Variants in SMG7 observed in about 807,000 individuals in gnomAD.
SMG7 encodes SMG7 nonsense mediated mRNA decay factor, also known as nonsense-mediated mRNA decay factor SMG7.
A neutral mutation model predicts 148.2 loss-of-function variants in SMG7; 34 were observed. That is an observed-to-expected ratio of 0.23 (90% CI 0.17 to 0.31). The LOEUF (loss-of-function observed/expected upper bound fraction) is 0.31, where lower values mean the gene tolerates loss of function less well. Ranked by LOEUF, SMG7 falls within the 10% of genes least tolerant of loss-of-function variation. SMG7 has a pLI of 1.00. For missense variants in SMG7, 1,114 were observed against 1,408.4 expected (o/e 0.79, Z 3.35); for synonymous variants, 492 against 515.1 (o/e 0.96, Z 0.61).
rs115254210 is a variant in SMG7, at chr1:183,513,520, C to T, written c.61+652C>T. Among the ~76,000 whole-genome samples, 439 of 151,904 alleles carry T rather than the reference C, an allele frequency of 2.9e-3. 1 individual carries two copies. Among genetic ancestry groups the T allele is most frequent in the African/African-American group, 9.9e-3 (412 of 41,478 alleles). ...CTGAGTAGGTGTGATTATAGGCACA[C>T]GCCATTACATCTGACTAATTTTTGT... is the stretch of plus-strand genomic sequence containing the variant. On this transcript the variant is annotated intron_variant, in intron 2 of 22. Coordinates refer to ENST00000688051, the MANE Select transcript of SMG7 (RefSeq NM_001375584.1).
At chr1:183,540,251 T>G (rs1052195210) in intron 12 of SMG7, among the ~76,000 whole-genome samples, 1 of 152,170 alleles carries the variant, frequency 6.6e-6, no homozygotes, top group Admixed American at 6.5e-5. Context: ...TTTCAGAGCT[T>G]CTCAGAAGGA....
At chr1:183,524,634 A>C (rs1401604819) in intron 4 of SMG7, among the ~76,000 whole-genome samples, 9 of 152,188 alleles carry the variant, frequency 5.9e-5, no homozygotes, top group African/African-American at 2.2e-4. Context: ...AATTCTGTAC[A>C]TGCTAGAAAG....
intron 1 of SMG7, among the ~76,000 whole-genome samples, chr1:183,491,949 G>A (rs554382703): frequency 5.3e-4 from 80 of 152,246 alleles, no homozygotes; most frequent in African/African-American, 1.9e-3. Flanking sequence ...GGGCAAAAAA[G>A]GCCGTACCTA....
intron 1 of SMG7, chr1:183,502,179 A>G: frequency 1.0e-6 from 1 of 984,036 alleles, no homozygotes; most frequent in Non-Finnish European, 1.3e-6. Context: ...TCAAATAAAG[A>G]TAAAATAATT....
At chr1:183,493,752 T>C (rs1657661588) in intron 1 of SMG7, among the ~76,000 whole-genome samples, 1 of 152,036 alleles carries the variant, frequency 6.6e-6, no homozygotes, top group Non-Finnish European at 1.5e-5. Flanking sequence ...TGGCTAATTT[T>C]TGTATTTTGA....
chr1:183,537,008 T>C (rs755911624), intron 10 of SMG7, 137 bp from the exon 11 acceptor site: 13 of 593,504 alleles, frequency 2.2e-5, no homozygotes, highest in Non-Finnish European at 3.6e-5. Flanking sequence ...TTTTTAAAAA[T>C]TATACAGCCT....
chr1:183,527,913 G>A lies in SMG7; in HGVS notation c.485-43G>A, dbSNP rs757820122. ...GCTGTTTTGGAAATACTACCCTACT[G>A]TTTGTTTTTTGGGTTTTTTAAAACT... On this transcript the variant is annotated intron_variant, in intron 5 of 22. Coordinates refer to ENST00000688051, the MANE Select transcript of SMG7 (RefSeq NM_001375584.1). The surrounding 1 kb of genome is among the most constrained non-coding windows in gnomAD (Gnocchi z 4.0). 5.5e-6 allele frequency: 8 copies of A among 1,457,938 alleles called. No individual in the cohort carries two copies. The East Asian group carries it at 6.8e-5, about 12-fold the overall frequency. 90.3% of individuals were successfully genotyped at this position (1,457,938 alleles called of 1,614,324 possible).
chr1:183,548,256 G>C (rs891858672), intron 18 of SMG7, among the ~76,000 whole-genome samples: 2 of 152,168 alleles, frequency 1.3e-5, no homozygotes, highest in African/African-American at 4.8e-5. Flanking sequence ...TCCCCCTGGA[G>C]ACTTAAATGG....
intron 10 of SMG7, among the ~76,000 whole-genome samples, chr1:183,536,171 A>G (rs1382454093): frequency 6.6e-6 from 1 of 152,006 alleles, no homozygotes; most frequent in Non-Finnish European, 1.5e-5. Context: ...GGTAAGCTTC[A>G]TATTAAGGAG....
intron 1 of SMG7, among the ~76,000 whole-genome samples, chr1:183,480,654 T>C (rs532997064): frequency 4.9e-4 from 74 of 152,278 alleles, no homozygotes; most frequent in African/African-American, 1.8e-3. Context: ...TCACTGGGCA[T>C]ACAAGTAAGT....
At chr1:183,544,908 G>A (rs370072974) in intron 15 of SMG7, 22 bp from the exon 16 acceptor site, 1 of 1,596,280 alleles carries the variant, frequency 6.3e-7, no homozygotes, top group Non-Finnish European at 8.5e-7. Context: ...TAAAACTAAA[G>A]CTGTGTTCTT....
intron 1 of SMG7, among the ~76,000 whole-genome samples, chr1:183,489,372 T>G (rs1656362626): frequency 6.6e-6 from 1 of 152,004 alleles, no homozygotes; most frequent in Admixed American, 6.6e-5. Context: ...GTGTGGTTTC[T>G]TTGAAATTGG....
chr1:183,537,114 A>G (rs1350687031), intron 10 of SMG7, 31 bp from the exon 11 acceptor site: 1 of 1,522,418 alleles, frequency 6.6e-7, no homozygotes, highest in African/African-American at 1.4e-5. Flanking sequence ...TTACATAAAA[A>G]TAAAGTCTGA....
At chr1:183,544,163 A>G (rs1669472263) in intron 14 of SMG7, among the ~76,000 whole-genome samples, 190 bp from the exon 15 acceptor site, 1 of 152,184 alleles carries the variant, frequency 6.6e-6, no homozygotes, top group African/African-American at 2.4e-5. Context: ...TAAGATAGTA[A>G]AATTATCTTT....
intron 1 of SMG7, 30 bp downstream of exon 1, chr1:183,472,679 G>T: frequency 2.7e-6 from 4 of 1,459,768 alleles, no homozygotes; most frequent in East Asian, 2.7e-5. Context: ...TGGTACGTAG[G>T]GGGAGCGGGC....
At chr1:183,541,181 C>T in intron 13 of SMG7, 78 bp downstream of exon 13, 1 of 1,241,870 alleles carries the variant, frequency 8.1e-7, no homozygotes. Context: ...CGCGCGCACA[C>T]ACACACATCT....
rs1668778954 is a variant in SMG7, at chr1:183,541,192, C to T, written c.1415+89C>T. 3.5e-6 allele frequency: 4 copies of T among 1,140,180 alleles called. No homozygotes were observed. In the South Asian group the frequency reaches 5.5e-5, roughly 16 times the overall value. The allele number at this position is 1,140,180 out of a possible 1,614,324, so 70.6% of individuals were successfully genotyped here. A position where few individuals can be genotyped will look rare whatever the true frequency, so the allele number is the denominator to read the frequency against. On this transcript the variant is annotated intron_variant, in intron 13 of 22. Transcript: ENST00000688051. ...CACGCGCGCGCACACACACACATCT[C>T]ATATGTTACGTATTTTAGGCTTTGG...
At chr1:183,498,269 A>G (rs980243601) in intron 1 of SMG7, among the ~76,000 whole-genome samples, 1 of 152,070 alleles carries the variant, frequency 6.6e-6, no homozygotes, top group African/African-American at 2.4e-5. Flanking sequence ...AGTGGCTCAT[A>G]CCTGTAATCC....
Position 183,551,830 on chromosome 1 carries a change from A to G in SMG7, c.3463A>G (p.Ser1155Gly). Residue 1155 changes from serine (S) to glycine (G), a missense_variant, in exon 23 of 23, where the codon AGT (serine) becomes GGT (glycine). Coordinates refer to ENST00000688051, the MANE Select transcript of SMG7 (RefSeq NM_001375584.1). ...GACTGTTTTTCAGTCTATCTGGTCC[A>G]GTTCCATGATGCATCCTGGACCTTC... ...LMESLKSIWS[S>G]SMMHPGPSAL... 1.2e-6 allele frequency: 2 copies of G among 1,611,680 alleles called. No homozygotes were observed. Among genetic ancestry groups the G allele is most frequent in the Non-Finnish European group, 1.7e-6 (2 of 1,178,436 alleles).
Sources: allele counts gnomAD v4.1 joint callset (sites outside exome capture counted in the v4.1 genomes callset), GRCh38; gene constraint gnomAD v4.1.1; non-coding constraint Gnocchi (gnomAD v3.1); transcripts MANE v1.5; gene names NCBI Gene and HGNC (gene_info 2026-07-23, HGNC 2026-07-21).